The following MREG variants were observed in gnomAD, a reference collection of about 807,000 sequenced individuals.
MREG encodes the protein dilute suppressor protein homolog.
MREG carries 31 observed loss-of-function variants against 28.5 expected under a neutral mutation model. The observed-to-expected ratio is 1.09, with a 90% CI of 0.82 to 1.47. The LOEUF (loss-of-function observed/expected upper bound fraction) is 1.47, where lower values mean the gene tolerates loss of function less well. MREG is among the 40% of genes most tolerant of loss of function. The pLI is 0.00. For synonymous variants in MREG, 106 were observed against 95.2 expected (o/e 1.11, Z -0.66); for missense variants, 256 against 257.4 (o/e 0.99, Z 0.04).
At chr2:215,961,017 G>A (rs1243202513) in intron 2 of MREG, among the ~76,000 whole-genome samples, 1 of 152,156 alleles carries the variant, frequency 6.6e-6, no homozygotes, top group Non-Finnish European at 1.5e-5. Context: ...CTCATTAACT[G>A]TCTGCCCTAA....
chr2:215,950,598 T>A (rs977120125), intron 2 of MREG, among the ~76,000 whole-genome samples: 15 of 152,360 alleles, frequency 9.8e-5, no homozygotes, highest in Middle Eastern at 3.4e-3. Flanking sequence ...TACTTCCATA[T>A]TATTACTGTC....
chr2:215,994,907 A>G (rs1362872664), intron 2 of MREG, among the ~76,000 whole-genome samples: 1 of 152,070 alleles, frequency 6.6e-6, no homozygotes, highest in Non-Finnish European at 1.5e-5. Context: ...AGAGAGAGAC[A>G]CTATACATTA....
At chr2:215,968,692 T>C (rs1693009939) in intron 2 of MREG, among the ~76,000 whole-genome samples, 1 of 152,188 alleles carries the variant, frequency 6.6e-6, no homozygotes, top group African/African-American at 2.4e-5. Context: ...TTTGAAAAAC[T>C]AATTTGTGCT....
chr2:215,950,604 C>T (rs747842118), intron 2 of MREG, among the ~76,000 whole-genome samples: 4 of 152,168 alleles, frequency 2.6e-5, no homozygotes, highest in Non-Finnish European at 5.9e-5. Context: ...CATATTATTA[C>T]TGTCTTCTTT....
rs1481288077 is a variant in MREG, at chr2:215,946,528, C to T, written c.346+495G>A. ...AATTGAGAAAAATCATTATCATTAA[C>T]CATTAGTGATGAGGGCAGGTATCTA... On this transcript the variant is annotated intron_variant, in intron 3 of 4. Coordinates refer to ENST00000263268, the MANE Select transcript of MREG (RefSeq NM_018000.3). Among the ~76,000 whole-genome samples the T allele has an allele frequency of 5.9e-5, 9 of 152,230 alleles. No individual in the cohort carries two copies. The East Asian group carries it at 1.7e-3, about 29-fold the overall frequency.
rs146414052 is a variant in MREG at position 215,995,511 on chromosome 2, C to CCCCCCA, written c.255+794_255+795insTGGGGG. On this transcript the variant is annotated intron_variant, in intron 2 of 4. Transcript: ENST00000263268. ...TCCACAGCACCTCCACCCACCCCAC[C>CCCCCCA]CCCCGCCACCAATATACACACTAAA... is the stretch of plus-strand genomic sequence containing the variant. Among the ~76,000 whole-genome samples, 4 of 136,192 alleles carry CCCCCCA rather than the reference C, an allele frequency of 2.9e-5. No individual in the cohort carries two copies. In the South Asian group the frequency reaches 9.2e-4, roughly 31 times the overall value. 89.3% of individuals were successfully genotyped at this position (136,192 alleles called of 152,430 possible). A position where few individuals can be genotyped will look rare whatever the true frequency, so the allele number is the denominator to read the frequency against.
At chr2:216,027,732 C>T (rs1427357845) in intron 1 of MREG, among the ~76,000 whole-genome samples, 7 of 152,094 alleles carry the variant, frequency 4.6e-5, no homozygotes, top group African/African-American at 1.2e-4. Context: ...ACACTAGGAC[C>T]TTGAAAGAAG....
At position 215,943,491 on chromosome 2, in the gene MREG, G is replaced by A. The variant is rs1232371181; in HGVS notation, c.*1372C>T. 1 of 456,696 alleles carries A rather than the reference G, an allele frequency of 2.2e-6. No individual in the cohort carries two copies. Among genetic ancestry groups the A allele is most frequent in the Non-Finnish European group, 4.4e-6 (1 of 226,950 alleles). The allele number at this position is 456,696 out of a possible 1,614,324, so 28.3% of individuals were successfully genotyped here. ...CAACGAATCAGAAACAGATGAAAGA[G>A]GAGAGAAGAAAACAGAGGTCAAACA... On this transcript the variant is annotated 3_prime_UTR_variant, in exon 5 of 5. Coordinates refer to ENST00000263268, the MANE Select transcript of MREG (RefSeq NM_018000.3).
chr2:216,005,421 C>T (rs908357244), intron 1 of MREG, among the ~76,000 whole-genome samples: 5 of 145,998 alleles, frequency 3.4e-5, no homozygotes, highest in Non-Finnish European at 6.0e-5. Flanking sequence ...GGTGGTTACA[C>T]GAGTATTCAC....
At chr2:215,992,534 T>C (rs1212521460) in intron 2 of MREG, among the ~76,000 whole-genome samples, 1 of 152,178 alleles carries the variant, frequency 6.6e-6, no homozygotes, top group East Asian at 1.9e-4. Context: ...TCACGACTCC[T>C]ATTCAACATA....
chr2:216,010,022 C>A (rs1213381431), intron 1 of MREG, among the ~76,000 whole-genome samples: 2 of 152,090 alleles, frequency 1.3e-5, no homozygotes, highest in Non-Finnish European at 2.9e-5. Context: ...TAATTATGAC[C>A]TTATTTGAAA....
At chr2:216,024,027 C>G (rs907910395) in intron 1 of MREG, among the ~76,000 whole-genome samples, 1 of 152,144 alleles carries the variant, frequency 6.6e-6, no homozygotes, top group East Asian at 1.9e-4. Flanking sequence ...AGTAGAGGGC[C>G]CTTTCAAGTA....
chr2:216,031,473 A>AAG (rs60724822), intron 1 of MREG, among the ~76,000 whole-genome samples: 50 of 110,662 alleles, frequency 4.5e-4, no homozygotes, highest in African/African-American at 1.6e-3. Flanking sequence ...GAAAGAAAGA[A>AAG]AGAGAAAGAA....
chr2:216,022,039 G>A (rs573002495), intron 1 of MREG, among the ~76,000 whole-genome samples: 1 of 152,208 alleles, frequency 6.6e-6, no homozygotes, highest in East Asian at 1.9e-4. Flanking sequence ...GGAGTTCAAG[G>A]CCAGCCTGGC....
At chr2:216,003,185 C>T (rs148927413) in intron 1 of MREG, among the ~76,000 whole-genome samples, 190 of 152,164 alleles carry the variant, frequency 1.2e-3, no homozygotes, top group Non-Finnish European at 2.4e-3. Context: ...TTCCTCAGCA[C>T]TCGCCACCTA....
At chr2:215,970,921 G>A (rs1385809677) in intron 2 of MREG, among the ~76,000 whole-genome samples, 1 of 152,098 alleles carries the variant, frequency 6.6e-6, no homozygotes, top group Non-Finnish European at 1.5e-5. Flanking sequence ...AGAAAATGTG[G>A]CACATATACA....
At chr2:215,982,723 G>A (rs1693464528) in intron 2 of MREG, among the ~76,000 whole-genome samples, 1 of 152,280 alleles carries the variant, frequency 6.6e-6, no homozygotes, top group South Asian at 2.1e-4. Flanking sequence ...CTGGAGTAAT[G>A]TTTCTAGTCA....
chr2:216,013,152 A>G, intron 1 of MREG, 81 bp downstream of exon 1: 1 of 1,270,450 alleles, frequency 7.9e-7, no homozygotes, highest in African/African-American at 1.5e-5. Flanking sequence ...CCCAACTCAC[A>G]CAAGCACACA....
At chr2:215,962,467 G>A (rs539904777) in intron 2 of MREG, among the ~76,000 whole-genome samples, 2 of 152,168 alleles carry the variant, frequency 1.3e-5, no homozygotes, top group African/African-American at 4.8e-5. Flanking sequence ...AACCACCTCC[G>A]AGTTCTGGGG....
Sources: gnomAD v4.1 joint callset for allele counts (sites outside exome capture counted in the v4.1 genomes callset) on GRCh38, gnomAD v4.1.1 for gene constraint, MANE v1.5 for transcripts, NCBI Gene and HGNC (gene_info 2026-07-23, HGNC 2026-07-21) for gene names.